SAFB2: variants seen among roughly 807,000 people sequenced by gnomAD.
SAFB2 encodes the protein scaffold attachment factor B2.
SAFB2 carries 32 observed loss-of-function variants against 100.6 expected under a neutral mutation model. The observed-to-expected ratio is 0.32, with a 90% CI of 0.24 to 0.43. SAFB2 has a LOEUF of 0.43. SAFB2 is among the 20% of genes least tolerant of loss of function. The pLI, the probability that SAFB2 is intolerant of heterozygous loss-of-function variation, is 1.00. For missense variants in SAFB2, 1,185 were observed against 1,163.4 expected, an observed-to-expected ratio of 1.02 and a Z score of -0.27; for synonymous variants, 500 against 439.4, an observed-to-expected ratio of 1.14 and a Z score of -1.72.
At chr19:5,619,845 C>CA (rs1275954240) in intron 2 of SAFB2, among the ~76,000 whole-genome samples, 1,587 of 103,574 alleles carry the variant, frequency 0.015, 11 homozygotes, top group South Asian at 0.044. Context: ...AACTCCATCG[C>CA]AAAAAAAAAA....
intron 9 of SAFB2, among the ~76,000 whole-genome samples, chr19:5,607,179 T>A (rs375250939): frequency 6.6e-6 from 1 of 152,100 alleles, no homozygotes; most frequent in African/African-American, 2.4e-5. Flanking sequence ...GAGAATGGCA[T>A]GAACCCAGGA....
intron 16 of SAFB2, among the ~76,000 whole-genome samples, chr19:5,592,338 T>TA (rs1387101820): frequency 1.3e-5 from 2 of 152,142 alleles, no homozygotes; most frequent in Admixed American, 6.5e-5. Context: ...TTTAAAAGGC[T>TA]AAAAAACCCA....
Position 5,604,618 on chromosome 19 carries a change from G to C in SAFB2, c.1524C>G (p.Val508=). ...CEVKKEKLSS[V]DRHHSVEIKI... ...TGATCTCCACAGAATGATGTCTGTC[G>C]ACACTCGATAATTTTTCCTTCTTCA... Residue 508 remains valine, a synonymous_variant, in exon 11 of 21, where the codon GTC becomes GTG. Coordinates refer to ENST00000252542, the MANE Select transcript of SAFB2 (RefSeq NM_014649.3). The C allele has an allele frequency of 6.2e-7, 1 of 1,613,998 alleles. No homozygotes were observed. The highest frequency in any genetic ancestry group is 8.5e-7 in the Non-Finnish European group (1 of 1,179,926).
chr19:5,610,176 T>TA, intron 8 of SAFB2, 81 bp from the exon 9 acceptor site: 2 of 1,145,838 alleles, frequency 1.7e-6, no homozygotes, highest in African/African-American at 1.5e-5. Context: ...CAGCCCTCTT[T>TA]AAAAACCCTA....
Position 5,600,230 on chromosome 19 carries a change from C to T in SAFB2, c.1590G>A (p.Glu530=). 6.2e-7 allele frequency: 1 copy of T among 1,612,708 alleles called. No homozygotes were observed. The highest frequency in any genetic ancestry group is 8.5e-7 in the Non-Finnish European group (1 of 1,179,250). ...CTTCAGGCTTTTTTTCCTCCTTCTTCTCAATCTTCTCTTCCTTCTTAATTA... is the reference window on the plus strand; with the variant it reads ...CTTCAGGCTTTTTTTCCTCCTTCTTTTCAATCTTCTCTTCCTTCTTAATTA... ...KTVIKKEEKI[E]KKEEKKPEDI... The change falls in exon 12 of 21, where the codon GAG becomes GAA. Residue 530 remains glutamate (E), a synonymous_variant. Coordinates refer to ENST00000252542, the MANE Select transcript of SAFB2 (RefSeq NM_014649.3).
At chr19:5,600,409 A>G in intron 11 of SAFB2, 149 bp from the exon 12 acceptor site, 1 of 986,046 alleles carries the variant, frequency 1.0e-6, no homozygotes, top group East Asian at 2.6e-5. Flanking sequence ...TTTGGAACCC[A>G]TAGTAATAAC....
intron 18 of SAFB2, 76 bp from the exon 19 acceptor site, chr19:5,588,056 G>T: frequency 2.3e-6 from 3 of 1,310,170 alleles, no homozygotes; most frequent in South Asian, 1.4e-5. Context: ...CACCCACCCT[G>T]ACCTCAGCTG....
chr19:5,596,040 G>A (rs1352633933), intron 13 of SAFB2, among the ~76,000 whole-genome samples: 1 of 152,176 alleles, frequency 6.6e-6, no homozygotes, highest in Non-Finnish European at 1.5e-5. Flanking sequence ...CAAGGTGGGC[G>A]GATCACAACA....
At position 5,587,271 on chromosome 19, in the gene SAFB2, G is replaced by T. The variant is rs751553537; in HGVS notation, c.2834C>A (p.Pro945Gln). The change falls in exon 21 of 21, where the codon CCG becomes CAG. Residue 945 changes from proline to glutamine, a missense_variant. Physicochemically the swap from Pro to Gln is moderately conservative, Grantham distance 76 (BLOSUM62 -1). This residue lies in a region of SAFB2 where 740 missense variants were observed against 687.1 expected (regional missense o/e 1.08). Transcript: ENST00000252542. This position sits in a 1 kb window ranked among gnomAD's most constrained non-coding sequence, Gnocchi z 4.9. ...RVPHPHPHPPPYPHFTRRY is the reference protein window; with the variant it reads ...RVPHPHPHPPQYPHFTRRY Reference sequence around the variant, plus strand: ...GTAGCGGCGGGTGAAGTGGGGGTACGGGGGGGGATGAGGGTGTGGGTGAGG... The same window carrying T: ...GTAGCGGCGGGTGAAGTGGGGGTACTGGGGGGGATGAGGGTGTGGGTGAGG... 4 of 1,604,816 alleles carry T rather than the reference G, an allele frequency of 2.5e-6. No homozygotes were observed. Among genetic ancestry groups the T allele is most frequent in the Non-Finnish European group, 3.4e-6 (4 of 1,174,336 alleles).
At chr19:5,610,374 C>T in intron 8 of SAFB2, 1 of 586,040 alleles carries the variant, frequency 1.7e-6, no homozygotes, top group Non-Finnish European at 3.0e-6. Context: ...TCTCTAAAAT[C>T]CTTGAAACAG....
intron 5 of SAFB2, 122 bp downstream of exon 5, chr19:5,613,335 CTAACCTCT>C (rs1177481096): frequency 3.7e-6 from 3 of 808,038 alleles, no homozygotes; most frequent in Non-Finnish European, 5.9e-6. Flanking sequence ...TTCTCTTCTG[CTAACCTCT>C]TAACCCCAGC....
rs201103926 is a variant in SAFB2, at chr19:5,621,414, G to C, written c.187-18C>G. 2.4e-4 allele frequency: 358 copies of C among 1,486,854 alleles called. 1 individual carries two copies. Among genetic ancestry groups the C allele is most frequent in the Admixed American group, 6.2e-4 (37 of 59,876 alleles). 92.1% of individuals were successfully genotyped at this position (1,486,854 alleles called of 1,614,324 possible). On this transcript the variant is annotated intron_variant, in intron 1 of 20. Coordinates refer to ENST00000252542, the MANE Select transcript of SAFB2 (RefSeq NM_014649.3). ...TTAACCGCCTATTAGGGAGAGATGA[G>C]TTTTACAACATCATTAAGAGCTGCA...
chr19:5,610,126 C>A (rs780055102), intron 8 of SAFB2, 31 bp from the exon 9 acceptor site: 8 of 1,569,736 alleles, frequency 5.1e-6, no homozygotes, highest in South Asian at 1.1e-5. Flanking sequence ...TTAGGCATCA[C>A]CCCAAGGCCT....
At chr19:5,589,962 A>G (rs1031980592) in intron 18 of SAFB2, among the ~76,000 whole-genome samples, 2 of 152,150 alleles carry the variant, frequency 1.3e-5, no homozygotes, top group Non-Finnish European at 2.9e-5. Flanking sequence ...CAGGACTAAG[A>G]GCTTCAGCGC....
chr19:5,617,288 G>A (rs1424539899), intron 2 of SAFB2, among the ~76,000 whole-genome samples: 1 of 151,414 alleles, frequency 6.6e-6, no homozygotes, highest in Non-Finnish European at 1.5e-5. Context: ...TTCCCCCAAG[G>A]CAAAAAGGCA....
Position 5,622,611 on chromosome 19 carries a change from C to T in SAFB2, c.105G>A (p.Val35=). 6.2e-7 allele frequency: 1 copy of T among 1,613,086 alleles called. No individual in the cohort carries two copies. The highest frequency in any genetic ancestry group is 8.5e-7 in the Non-Finnish European group (1 of 1,179,728). Residue 35 remains valine, a synonymous_variant, in exon 1 of 21, where the codon GTG becomes GTA. Transcript: ENST00000252542. The part of the protein sequence containing the change: ...TGTRRLSELR[V]IDLRAELKKR... ...TCTTCAGCTCCGCCCGCAGATCGAT[C>T]ACCCGCAGCTCGCTGAGCCGCCTCG... is the stretch of plus-strand genomic sequence containing the variant.
intron 11 of SAFB2, among the ~76,000 whole-genome samples, chr19:5,602,263 G>A (rs781587461): frequency 1.6e-4 from 24 of 151,804 alleles, no homozygotes; most frequent in Non-Finnish European, 2.9e-4. Flanking sequence ...GGATCACGAG[G>A]TCAGGAGATC....
In SAFB2 at chr19:5,605,111, C is replaced by CT. The variant is rs1187608417; in HGVS notation, c.1297-176dup. On this transcript the variant is annotated intron_variant, in intron 9 of 20. Coordinates refer to ENST00000252542, the MANE Select transcript of SAFB2 (RefSeq NM_014649.3). ...ATCCTGACCTATCCAAATACAATTG[C>CT]TTTTTTTTTTTTTGAGACAGTTTCG... is the stretch of plus-strand genomic sequence containing the variant. Among the ~76,000 whole-genome samples, 838 of 144,482 alleles carry CT rather than the reference C, an allele frequency of 5.8e-3. 6 individuals carry two copies. The highest frequency in any genetic ancestry group is 0.016 in the African/African-American group (616 of 39,678). 94.8% of individuals were successfully genotyped at this position (144,482 alleles called of 152,430 possible).
intron 11 of SAFB2, among the ~76,000 whole-genome samples, chr19:5,603,299 A>G (rs1047025599): frequency 9.2e-5 from 14 of 152,350 alleles, no homozygotes; most frequent in Non-Finnish European, 1.9e-4. Flanking sequence ...CCAATTAAAA[A>G]TAATAATTCC....
Sources: allele counts gnomAD v4.1 joint callset (sites outside exome capture counted in the v4.1 genomes callset), GRCh38; gene constraint gnomAD v4.1.1; regional missense constraint gnomAD v4.1.1; non-coding constraint Gnocchi (gnomAD v3.1); transcripts MANE v1.5; gene names NCBI Gene and HGNC (gene_info 2026-07-23, HGNC 2026-07-21).